The following BCR variants were observed in gnomAD, a reference collection of about 807,000 sequenced individuals.
BCR encodes breakpoint cluster region protein.
In BCR, 58 loss-of-function variants were observed where a neutral mutation model predicts 138.6. That is an observed-to-expected ratio of 0.42 (90% CI 0.34 to 0.52). The LOEUF (loss-of-function observed/expected upper bound fraction) is 0.52. Ranked by LOEUF, BCR falls within the 20% of genes least tolerant of loss-of-function variation. The probability of loss-of-function intolerance (pLI) is 0.06; values close to 1 mark genes in which losing one functional copy is unlikely to be tolerated. For missense variants in BCR, 1,599 were observed against 1,727.2 expected (o/e 0.93, Z 1.32); for synonymous variants, 786 against 730.1 (o/e 1.08, Z -1.23).
chr22:23,263,204 G>T, intron 4 of BCR: 2 of 923,856 alleles, frequency 2.2e-6, no homozygotes, highest in Non-Finnish European at 1.6e-6. Flanking sequence ...CGGCTGCGGG[G>T]CCAGCGCTCT....
chr22:23,245,894 A>G (rs1050365406), intron 1 of BCR, among the ~76,000 whole-genome samples: 4 of 152,140 alleles, frequency 2.6e-5, no homozygotes, highest in Non-Finnish European at 5.9e-5. Flanking sequence ...GTGCCTTCAC[A>G]GTGTTGTGCA....
chr22:23,269,972 G>A (rs1241202922), intron 5 of BCR, among the ~76,000 whole-genome samples: 1 of 152,074 alleles, frequency 6.6e-6, no homozygotes, highest in East Asian at 1.9e-4. Context: ...GCAGGGAGTG[G>A]GATGGGGCTC....
At chr22:23,194,687 C>T (rs974407872) in intron 1 of BCR, among the ~76,000 whole-genome samples, 1 of 151,772 alleles carries the variant, frequency 6.6e-6, no homozygotes, top group Non-Finnish European at 1.5e-5. Flanking sequence ...GCTGGGATTA[C>T]AGGCATGAGC....
At position 23,181,352 on chromosome 22, in the gene BCR, C is replaced by T; in HGVS notation, c.392C>T (p.Ala131Val). 2.0e-6 allele frequency: 3 copies of T among 1,503,832 alleles called. No individual in the cohort carries two copies. The highest frequency in any genetic ancestry group is 2.6e-6 in the Non-Finnish European group (3 of 1,133,388). 93.2% of individuals were successfully genotyped at this position (1,503,832 alleles called of 1,614,324 possible). A position where few individuals can be genotyped will look rare whatever the true frequency, so the allele number is the denominator to read the frequency against. Residue 131 changes from alanine to valine, a missense_variant, in exon 1 of 23, where the codon GCC becomes GTC. Coordinates refer to ENST00000305877, the MANE Select transcript of BCR (RefSeq NM_004327.4). ...CCGGGTAAGGCCAGGCCCGGGACCG[C>T]CCGCAGGCCCGGGGCAGCCGCGTCG... ...GSPGKARPGT[A>V]RRPGAAASGE...
At chr22:23,268,666 C>T (rs2073474018) in intron 5 of BCR, 151 bp downstream of exon 5, 5 of 761,064 alleles carry the variant, frequency 6.6e-6, no homozygotes, top group African/African-American at 1.8e-5. Context: ...CAGCCCTGTG[C>T]TGGGGATGCT....
In BCR at chr22:23,273,614, A is replaced by C. The variant is rs12233352; in HGVS notation, c.1975-20A>C. On this transcript the variant is annotated intron_variant, in intron 7 of 22. Coordinates refer to ENST00000305877, the MANE Select transcript of BCR (RefSeq NM_004327.4). ...CCAGTGCTCCTCTGTGTCTAACTCA[A>C]GTCTTTCTTCCTGGGGCAGGACTTG... is the stretch of plus-strand genomic sequence containing the variant. The C allele has an allele frequency of 5.6e-6, 9 of 1,612,886 alleles. No homozygotes were observed. Among genetic ancestry groups the C allele is most frequent in the South Asian group, 1.1e-5 (1 of 91,082 alleles).
chr22:23,187,485 T>TC (rs2072359595), intron 1 of BCR, among the ~76,000 whole-genome samples: 1 of 145,578 alleles, frequency 6.9e-6, no homozygotes, highest in Non-Finnish European at 1.5e-5. Context: ...CTCCTTCTCT[T>TC]TCTCTCTCTC....
rs771239650 is a variant in BCR, at chr22:23,288,114, C to G, written c.2544C>G (p.Ile848Met). 3 of 1,614,028 alleles carry G rather than the reference C, an allele frequency of 1.9e-6. No individual in the cohort carries two copies. The change falls in exon 12 of 23, where the codon ATC (isoleucine) becomes ATG (methionine). Residue 848 changes from isoleucine to methionine, a missense_variant. Physicochemically the swap from Ile to Met is conservative, Grantham distance 10. Coordinates refer to ENST00000305877, the MANE Select transcript of BCR (RefSeq NM_004327.4). ...SRNGKSYTFL[I>M]SSDYERAEWR... ...CACCCTAGAGTTACACGTTCCTGAT[C>G]TCCTCTGACTATGAGCGTGCAGAGT...
chr22:23,194,986 C>CT (rs967700042), intron 1 of BCR, among the ~76,000 whole-genome samples: 2 of 151,324 alleles, frequency 1.3e-5, no homozygotes, highest in South Asian at 2.1e-4. Context: ...AAAACCATTG[C>CT]TTTTTTTTGG....
chr22:23,275,298 A>G (rs2073563624), intron 8 of BCR, among the ~76,000 whole-genome samples: 1 of 152,232 alleles, frequency 6.6e-6, no homozygotes, highest in African/African-American at 2.4e-5. Context: ...CCATGCCAGC[A>G]TCGTGAGGAC....
rs1250686366 is a variant in BCR, at chr22:23,297,204, GTTGTT to G, written c.3012+2052_3012+2056del. On this transcript the variant is annotated intron_variant, in intron 16 of 22. Transcript: ENST00000305877. Reference sequence around the variant, plus strand: ...GTCGTGCCCCACCATGCCTGGCTAAGTTGTTTTTTGTTTTTTGTTTTTTTTTTTTT... The same window carrying G: ...GTCGTGCCCCACCATGCCTGGCTAAGTTTTGTTTTTTGTTTTTTTTTTTTT... Among the ~76,000 whole-genome samples, 3 of 124,158 alleles carry G rather than the reference GTTGTT, an allele frequency of 2.4e-5. 1 individual carries two copies. In the East Asian group the frequency reaches 7.0e-4, roughly 29 times the overall value. 81.5% of individuals were successfully genotyped at this position (124,158 alleles called of 152,430 possible). A position where few individuals can be genotyped will look rare whatever the true frequency, so the allele number is the denominator to read the frequency against.
At chr22:23,208,352 C>G (rs1262061680) in intron 1 of BCR, among the ~76,000 whole-genome samples, 1 of 152,138 alleles carries the variant, frequency 6.6e-6, no homozygotes, top group African/African-American at 2.4e-5. Flanking sequence ...CCCCACTTAC[C>G]AGGCCCAGAG....
Position 23,312,882 on chromosome 22 carries a change from T to A in BCR, c.3323-5T>A, listed in dbSNP as rs762444294. 1.8e-5 allele frequency: 29 copies of A among 1,596,218 alleles called. No homozygotes were observed. The highest frequency in any genetic ancestry group is 2.3e-4 in the Middle Eastern group (1 of 4,422). On this transcript the variant is annotated splice_polypyrimidine_tract_variant and splice_region_variant and intron_variant, in intron 19 of 22. Transcript: ENST00000305877. ...GAGGCCGCTGCATTTCCGTGCTCTTTCCAGATAACAAGGACGTGTCGGTGA... is the reference window on the plus strand; with the variant it reads ...GAGGCCGCTGCATTTCCGTGCTCTTACCAGATAACAAGGACGTGTCGGTGA...
intron 10 of BCR, among the ~76,000 whole-genome samples, chr22:23,285,537 C>T (rs1161559038): frequency 1.3e-5 from 2 of 152,194 alleles, no homozygotes; most frequent in African/African-American, 2.4e-5. Flanking sequence ...AGTTGTCTGA[C>T]CTGTGACCAG....
intron 1 of BCR, among the ~76,000 whole-genome samples, chr22:23,223,507 A>G (rs553647921): frequency 2.6e-4 from 39 of 152,248 alleles, no homozygotes; most frequent in African/African-American, 8.9e-4. Flanking sequence ...ATGAGAGCAT[A>G]TCCAAAGCCC....
chr22:23,300,534 T>C (rs2073891853), intron 16 of BCR, among the ~76,000 whole-genome samples: 1 of 152,156 alleles, frequency 6.6e-6, no homozygotes, highest in Admixed American at 6.5e-5. Context: ...CTTGGTGTTA[T>C]CTTTGCATTC....
At chr22:23,232,706 G>A (rs1480343901) in intron 1 of BCR, among the ~76,000 whole-genome samples, 1 of 152,232 alleles carries the variant, frequency 6.6e-6, no homozygotes, top group Non-Finnish European at 1.5e-5. Context: ...AGCATGGGCG[G>A]CCCCATCTGC....
intron 8 of BCR, among the ~76,000 whole-genome samples, chr22:23,281,398 G>T (rs1004571409): frequency 1.3e-5 from 2 of 152,232 alleles, no homozygotes; most frequent in Non-Finnish European, 2.9e-5. Context: ...AGGACGACTC[G>T]GGTGGGCTAT....
intron 1 of BCR, among the ~76,000 whole-genome samples, chr22:23,196,432 TAGGGGACG>T (rs1196595816): frequency 6.6e-6 from 1 of 152,160 alleles, no homozygotes; most frequent in Non-Finnish European, 1.5e-5. Context: ...TCCTGTTTCT[TAGGGGACG>T]AGGTTGTGGA....
Sources: gnomAD v4.1 joint callset for allele counts (sites outside exome capture counted in the v4.1 genomes callset) on GRCh38, gnomAD v4.1.1 for gene constraint, MANE v1.5 for transcripts, NCBI Gene and HGNC (gene_info 2026-07-23, HGNC 2026-07-21) for gene names.